The following CEP83 variants were observed in gnomAD, a reference collection of about 807,000 sequenced individuals.
The protein encoded by CEP83 is centrosomal protein of 83 kDa.
CEP83 carries 70 observed loss-of-function variants against 101.9 expected under a neutral mutation model. The ratio of observed to expected loss-of-function variants is 0.69; its 90% CI spans 0.57 to 0.84. The LOEUF (loss-of-function observed/expected upper bound fraction) is 0.84, where lower values mean the gene tolerates loss of function less well. Among genes scored for constraint, CEP83 ranks in the 40% least tolerant of loss-of-function variants. CEP83 has a pLI of 0.00. For missense variants in CEP83, 715 were observed against 787.2 expected (o/e 0.91, Z 1.10); for synonymous variants, 264 against 267.9 (o/e 0.99, Z 0.14).
At chr12:94,268,112 A>G in the CEP83 span, among the ~76,000 whole-genome samples, 2 of 152,172 alleles carry the variant, frequency 1.3e-5, no homozygotes, top group African/African-American at 2.4e-5. Context: ...ACACGTTTGG[A>G]AAAAAGGCCC....
intron 2 of CEP83, among the ~76,000 whole-genome samples, chr12:94,425,730 A>G (rs1013396147): frequency 8.5e-5 from 13 of 152,200 alleles, no homozygotes; most frequent in Admixed American, 7.9e-4. Flanking sequence ...GACCGTCTTA[A>G]TCTATGAAAA....
In CEP83 at chr12:94,434,480, G is replaced by T. The variant is rs75775569; in HGVS notation, c.-102+795C>A. ...CGTAAGAAAACCGGTTTAGAAAATA[G>T]GAAAGCTCAAAACCATAGTAATGAG... On this transcript the variant is annotated intron_variant, in intron 2 of 16. Transcript: ENST00000397809. Among the ~76,000 whole-genome samples the T allele has an allele frequency of 9.8e-3, 1,485 of 152,216 alleles. 12 individuals carry two copies. The highest frequency in any genetic ancestry group is 0.012 in the Admixed American group (190 of 15,298).
intron 8 of CEP83, among the ~76,000 whole-genome samples, chr12:94,373,231 T>C (rs967410859): frequency 6.6e-6 from 1 of 152,204 alleles, no homozygotes; most frequent in Non-Finnish European, 1.5e-5. Flanking sequence ...CTTCACAGAA[T>C]GTTTGCCATA....
intron 6 of CEP83, among the ~76,000 whole-genome samples, chr12:94,388,739 G>C (rs1175949219): frequency 6.6e-6 from 1 of 152,066 alleles, no homozygotes. Context: ...TTTACATTTT[G>C]AATACAATTG....
At chr12:94,280,137 A>G in the CEP83 span, 1,533 of 284,760 alleles carry the variant, frequency 5.4e-3, 10 homozygotes, top group Non-Finnish European at 8.5e-3. Flanking sequence ...TATTAAGTAT[A>G]TGCTCCGTCC....
chr12:94,317,990 T>C (rs1273486485), intron 14 of CEP83, among the ~76,000 whole-genome samples: 1 of 152,230 alleles, frequency 6.6e-6, no homozygotes, highest in Non-Finnish European at 1.5e-5. Flanking sequence ...GAAATAGCAC[T>C]GAATCAATAA....
intron 6 of CEP83, among the ~76,000 whole-genome samples, chr12:94,379,335 C>T (rs944033932): frequency 1.3e-5 from 2 of 152,192 alleles, no homozygotes; most frequent in African/African-American, 4.8e-5. Context: ...ACTAAACATA[C>T]ATCAAGTATT....
In CEP83 at chr12:94,376,521, G is replaced by A. The variant is rs191658969; in HGVS notation, c.802-504C>T. On this transcript the variant is annotated intron_variant, in intron 7 of 16. Coordinates refer to ENST00000397809, the MANE Select transcript of CEP83 (RefSeq NM_016122.3). ...GCTCATCTGCAGACTTTTTAAGTACGAGCAAAGAGGCTCTTGATCTCATGA... is the reference window on the plus strand; with the variant it reads ...GCTCATCTGCAGACTTTTTAAGTACAAGCAAAGAGGCTCTTGATCTCATGA... Among the ~76,000 whole-genome samples, 387 of 151,980 alleles carry A rather than the reference G, an allele frequency of 2.5e-3. 1 individual carries two copies. Among genetic ancestry groups the A allele is most frequent in the Non-Finnish European group, 3.9e-3 (267 of 67,960 alleles).
intron 4 of CEP83, among the ~76,000 whole-genome samples, chr12:94,411,272 A>G (rs1194860953): frequency 2.0e-5 from 3 of 152,152 alleles, no homozygotes; most frequent in Non-Finnish European, 2.9e-5. Flanking sequence ...GTACACATAA[A>G]TTATGTTCAC....
rs890372910 is a variant in CEP83 at position 94,417,727 on chromosome 12, G to A, written c.-101-5136C>T. Among the ~76,000 whole-genome samples the A allele has an allele frequency of 1.2e-4, 19 of 152,040 alleles. No individual in the cohort carries two copies. In the East Asian group the frequency reaches 2.1e-3, roughly 17 times the overall value. ...CGCTTGAACCCAGGAGGCAGGGGTTGCAGTGAGCTGTGATCACACCACAGC... is the reference window on the plus strand; with the variant it reads ...CGCTTGAACCCAGGAGGCAGGGGTTACAGTGAGCTGTGATCACACCACAGC... On this transcript the variant is annotated intron_variant, in intron 2 of 16. Transcript: ENST00000397809.
intron 14 of CEP83, among the ~76,000 whole-genome samples, chr12:94,314,977 A>C (rs1166401516): frequency 1.3e-5 from 2 of 152,238 alleles, no homozygotes; most frequent in Admixed American, 6.5e-5. Context: ...CATTGTACAA[A>C]TATACCACAT....
rs552660290 is a variant in CEP83, at chr12:94,370,140, A to G, written c.934-104T>C. The G allele has an allele frequency of 4.1e-5, 28 of 682,928 alleles. No homozygotes were observed. The African/African-American group carries it at 5.0e-4, about 12-fold the overall frequency. 42.3% of individuals were successfully genotyped at this position (682,928 alleles called of 1,614,324 possible). A position where few individuals can be genotyped will look rare whatever the true frequency, so the allele number is the denominator to read the frequency against. On this transcript the variant is annotated intron_variant, in intron 8 of 16. Coordinates refer to ENST00000397809, the MANE Select transcript of CEP83 (RefSeq NM_016122.3). ...CAAGAAAACGCTCTGGTAGTAAAGT[A>G]GAGTCTAAGTATCTTCCAAGAAGAA...
intron 2 of CEP83, among the ~76,000 whole-genome samples, chr12:94,414,040 C>T (rs1301873646): frequency 2.0e-5 from 3 of 152,122 alleles, no homozygotes; most frequent in African/African-American, 7.2e-5. Flanking sequence ...TTACTTAAGA[C>T]AATCTTTAAA....
Position 94,451,536 on chromosome 12 carries a change from C to T in CEP83, c.-155+8021G>A, listed in dbSNP as rs866285675. 1.0e-3 allele frequency among the ~76,000 whole-genome samples: 155 copies of T among 148,626 alleles called. 1 individual carries two copies. The highest frequency in any genetic ancestry group is 3.7e-3 in the African/African-American group (152 of 40,670). On this transcript the variant is annotated intron_variant, in intron 1 of 16. Transcript: ENST00000397809. The stretch of plus-strand genomic sequence containing the variant: ...CTTAAACAGATATTCCACCAAATGG[C>T]CAATAACCACAGAAAAAGGTGTCCA...
intron 14 of CEP83, among the ~76,000 whole-genome samples, chr12:94,321,337 A>T (rs1176753040): frequency 2.0e-5 from 3 of 152,074 alleles, no homozygotes; most frequent in Non-Finnish European, 4.4e-5. Context: ...GATTATCTTC[A>T]TGCCTATTCA....
the CEP83 span, chr12:94,282,315 C>A: frequency 9.9e-6 from 16 of 1,613,268 alleles, no homozygotes; most frequent in South Asian, 1.6e-4. Context: ...AATGGGCACA[C>A]GACAGAAAGA....
chr12:94,456,441 A>C (rs1269488212), intron 1 of CEP83, among the ~76,000 whole-genome samples: 1 of 152,250 alleles, frequency 6.6e-6, no homozygotes, highest in African/African-American at 2.4e-5. Context: ...TCATTGTATT[A>C]GTCCATTTTC....
intron 15 of CEP83, among the ~76,000 whole-genome samples, chr12:94,312,324 T>C (rs1969989171): frequency 1.3e-5 from 2 of 152,176 alleles, no homozygotes; most frequent in South Asian, 4.1e-4. Context: ...TTATAGGCAG[T>C]TTCCATTACA....
intron 6 of CEP83, among the ~76,000 whole-genome samples, chr12:94,388,388 A>G (rs2062288727): frequency 6.6e-6 from 1 of 152,208 alleles, no homozygotes; most frequent in Non-Finnish European, 1.5e-5. Context: ...AACACTGACT[A>G]CATATGGACA....
Sources: allele counts gnomAD v4.1 joint callset (sites outside exome capture counted in the v4.1 genomes callset), GRCh38; gene constraint gnomAD v4.1.1; transcripts MANE v1.5; gene names NCBI Gene and HGNC (gene_info 2026-07-23, HGNC 2026-07-21).